UPRT: variants seen among roughly 807,000 people sequenced by gnomAD.
The protein encoded by UPRT is uracil phosphoribosyltransferase homolog.
In UPRT, 5 loss-of-function variants were observed where a neutral mutation model predicts 22.6. The ratio of observed to expected loss-of-function variants is 0.22; its 90% CI spans 0.12 to 0.47. The LOEUF (loss-of-function observed/expected upper bound fraction) is 0.47, where lower values mean the gene tolerates loss of function less well. UPRT is among the 20% of genes least tolerant of loss of function. The pLI, the probability that UPRT is intolerant of heterozygous loss-of-function variation, is 0.99. For missense variants in UPRT, 181 were observed against 239.9 expected, an observed-to-expected ratio of 0.75 and a Z score of 1.62; for synonymous variants, 77 against 87.7, an observed-to-expected ratio of 0.88 and a Z score of 0.68.
chrX:75,173,908 G>T (rs1207804772), intron 4 of UPRT, among the ~76,000 whole-genome samples: 2 of 112,127 alleles, frequency 1.8e-5, no homozygotes, highest in Non-Finnish European at 3.8e-5. Flanking sequence ...GGCCCGCCAA[G>T]CCCACGCCTA....
intron 4 of UPRT, among the ~76,000 whole-genome samples, chrX:75,235,911 C>T (rs1473138447): frequency 9.0e-6 from 1 of 111,473 alleles, no homozygotes; most frequent in African/African-American, 3.3e-5. Flanking sequence ...CCTCTCTCAC[C>T]ACTCCTATTC....
intron 4 of UPRT, among the ~76,000 whole-genome samples, chrX:75,184,025 T>G (rs1052534145): frequency 1.2e-4 from 13 of 112,462 alleles, no homozygotes; most frequent in African/African-American, 3.9e-4. Flanking sequence ...CACTTTAGTT[T>G]AACTAGATCC....
chrX:75,188,124 C>T (rs1431563855), intron 4 of UPRT, among the ~76,000 whole-genome samples: 1 of 112,065 alleles, frequency 8.9e-6, no homozygotes, highest in Non-Finnish European at 1.9e-5. Flanking sequence ...TCCAGTTTTT[C>T]TGCTCTGTTT....
chrX:75,187,914 A>C (rs1290236735), intron 4 of UPRT, among the ~76,000 whole-genome samples: 1 of 111,665 alleles, frequency 9.0e-6, no homozygotes, highest in Non-Finnish European at 1.9e-5. Flanking sequence ...TATTCTAGTT[A>C]TACATTCTTC....
Position 75,303,766 on chromosome X carries a change from A to G in UPRT, c.*255A>G, listed in dbSNP as rs1323166903. On this transcript the variant is annotated 3_prime_UTR_variant, in exon 7 of 7. Transcript: ENST00000373383. ...TTCTAATGCAAATTACTGAACCCTC[A>G]GTGCATTAAAATTATTTCCTAATTT... 5.1e-6 allele frequency: 1 copy of G among 194,918 alleles called. No individual in the cohort carries two copies. Among genetic ancestry groups the G allele is most frequent in the Non-Finnish European group, 9.2e-6 (1 of 109,245 alleles). The allele number at this position is 194,918 out of a possible 1,213,427, so 16.1% of individuals were successfully genotyped here.
intron 4 of UPRT, among the ~76,000 whole-genome samples, chrX:75,190,432 C>T (rs1262379745): frequency 8.1e-5 from 9 of 111,629 alleles, no homozygotes; most frequent in African/African-American, 1.6e-4. Flanking sequence ...ATTTCAACTT[C>T]GGTGAATCTG....
intron 4 of UPRT, among the ~76,000 whole-genome samples, chrX:75,179,622 A>G (rs1342402000): frequency 8.8e-6 from 1 of 113,045 alleles, no homozygotes; most frequent in East Asian, 2.8e-4. Context: ...AGTGGGTGGG[A>G]GGCTTAGGCA....
chrX:75,226,610 C>T (rs774041171), intron 4 of UPRT, among the ~76,000 whole-genome samples: 2 of 111,064 alleles, frequency 1.8e-5, no homozygotes, highest in Non-Finnish European at 3.8e-5. Flanking sequence ...AATACTTTCC[C>T]GAGATTGCAT....
rs781535384 is a variant in UPRT at position 75,185,381 on chromosome X, A to G, written c.-447+17502A>G. Reference sequence around the variant, plus strand: ...TCCCAGGGATGAAGCCCACTTGATCATGGTGGATAAGCTGTTTGATGTGCT... The same window carrying G: ...TCCCAGGGATGAAGCCCACTTGATCGTGGTGGATAAGCTGTTTGATGTGCT... On this transcript the variant is annotated intron_variant, in intron 4 of 13. Transcript: ENST00000652605. Among the ~76,000 whole-genome samples, 223 of 111,934 alleles carry G rather than the reference A, an allele frequency of 2.0e-3. 2 individuals carry two copies. The highest frequency in any genetic ancestry group is 3.8e-3 in the South Asian group (10 of 2,647).
chrX:75,260,286 T>TC (rs1294282829), intron 4 of UPRT, among the ~76,000 whole-genome samples: 1 of 112,071 alleles, frequency 8.9e-6, no homozygotes, highest in Non-Finnish European at 1.9e-5. Flanking sequence ...GGCTAAATGC[T>TC]CCAATTAAAA....
intron 1 of UPRT, among the ~76,000 whole-genome samples, chrX:75,279,349 C>T (rs1402675467): frequency 1.8e-5 from 2 of 110,819 alleles, no homozygotes; most frequent in African/African-American, 3.3e-5. Flanking sequence ...GACATATTTT[C>T]GGTTTTTGTG....
chrX:75,267,938 CA>C (rs1197079082), intron 4 of UPRT, among the ~76,000 whole-genome samples: 1 of 110,689 alleles, frequency 9.0e-6, no homozygotes, highest in Non-Finnish European at 1.9e-5. Flanking sequence ...GATAGAGACA[CA>C]AAAAACCCTC....
intron 4 of UPRT, among the ~76,000 whole-genome samples, chrX:75,169,079 C>G (rs776707547): frequency 8.9e-6 from 1 of 111,761 alleles, no homozygotes; most frequent in Non-Finnish European, 1.9e-5. Flanking sequence ...AGTCTCCAAT[C>G]CCATCCAGGT....
intron 5 of UPRT, 108 bp downstream of exon 5, chrX:75,300,004 T>C (rs5938015): frequency 0.039 from 37,683 of 968,033 alleles, 846 homozygotes; most frequent in African/African-American, 0.13. Flanking sequence ...TCTAAATGTT[T>C]TTTTCTCAGT....
At chrX:75,296,748 TGG>T in intron 3 of UPRT, among the ~76,000 whole-genome samples, 1 of 111,343 alleles carries the variant, frequency 9.0e-6, no homozygotes, top group Non-Finnish European at 1.9e-5. Context: ...TGAGCACAAA[TGG>T]GCAAGTCTGT....
At chrX:75,238,427 A>G (rs1304985551) in intron 4 of UPRT, among the ~76,000 whole-genome samples, 2 of 111,996 alleles carry the variant, frequency 1.8e-5, no homozygotes, top group Non-Finnish European at 3.8e-5. Context: ...CAACAGGAAA[A>G]TATCACAATC....
At chrX:75,227,716 A>C (rs1055330448) in intron 4 of UPRT, among the ~76,000 whole-genome samples, 3 of 112,636 alleles carry the variant, frequency 2.7e-5, no homozygotes, top group African/African-American at 9.7e-5. Flanking sequence ...TACATAGTGC[A>C]TATACTTACA....
At chrX:75,200,562 C>A (rs1469044193) in intron 4 of UPRT, among the ~76,000 whole-genome samples, 1 of 112,298 alleles carries the variant, frequency 8.9e-6, no homozygotes, top group Non-Finnish European at 1.9e-5. Context: ...TCACCGCACC[C>A]CAGCCTTGGC....
At chrX:75,299,931 A>G in intron 5 of UPRT, 35 bp downstream of exon 5, 3 of 1,195,481 alleles carry the variant, frequency 2.5e-6, no homozygotes, top group Non-Finnish European at 3.4e-6. Flanking sequence ...ACCTTTGGTT[A>G]GGGTTTAAAT....
Sources: gnomAD v4.1 joint callset for allele counts (sites outside exome capture counted in the v4.1 genomes callset) on GRCh38, gnomAD v4.1.1 for gene constraint, MANE v1.5 for transcripts, NCBI Gene and HGNC (gene_info 2026-07-23, HGNC 2026-07-21) for gene names.